The following OPCML variants were observed in gnomAD, a reference collection of about 807,000 sequenced individuals.
OPCML encodes the protein opioid-binding protein/cell adhesion molecule.
Under a neutral mutation model 37.8 loss-of-function variants are expected in OPCML, and 13 were observed. That is an observed-to-expected ratio of 0.34 (90% CI 0.22 to 0.55). OPCML has a LOEUF of 0.55. Ranked by LOEUF, OPCML falls within the 20% of genes least tolerant of loss-of-function variation. The pLI, the probability that OPCML is intolerant of heterozygous loss-of-function variation, is 0.91. For missense variants in OPCML, 341 were observed against 435.6 expected, an observed-to-expected ratio of 0.78 and a Z score of 1.93; for synonymous variants, 176 against 168.8, an observed-to-expected ratio of 1.04 and a Z score of -0.33.
chr11:133,512,628 C>G (rs1239984217), intron 1 of OPCML, among the ~76,000 whole-genome samples: 1 of 152,184 alleles, frequency 6.6e-6, no homozygotes, highest in Non-Finnish European at 1.5e-5. Context: ...ATGTTTGGTT[C>G]CCCTGGCAAC....
In OPCML at chr11:132,947,312, T is replaced by C. The variant is rs368283493; in HGVS notation, c.62-4302A>G. Among the ~76,000 whole-genome samples the C allele has an allele frequency of 3.9e-5, 6 of 152,208 alleles. No individual in the cohort carries two copies. The East Asian group carries it at 1.2e-3, about 29-fold the overall frequency. ...CGAGGTGTAAATTTTCTTAACAATA[T>C]ATAATAAGTCTTGCTCTTGCAAAGA... On this transcript the variant is annotated intron_variant, in intron 1 of 7. Transcript: ENST00000524381.
intron 3 of OPCML, among the ~76,000 whole-genome samples, chr11:132,622,541 C>T (rs1447737781): frequency 1.3e-5 from 2 of 152,134 alleles, no homozygotes; most frequent in African/African-American, 4.8e-5. Flanking sequence ...CGTTTTCACG[C>T]CAGTGGGAGT....
intron 4 of OPCML, among the ~76,000 whole-genome samples, chr11:132,510,951 C>A (rs754101540): frequency 6.6e-6 from 1 of 152,048 alleles, no homozygotes; most frequent in Non-Finnish European, 1.5e-5. Context: ...TTTTTAATAT[C>A]ATGTTACTGG....
chr11:133,318,631 A>G (rs1428998717), intron 1 of OPCML, among the ~76,000 whole-genome samples: 1 of 152,054 alleles, frequency 6.6e-6, no homozygotes. Flanking sequence ...TACCCCATTA[A>G]CTACTATCCA....
At chr11:133,531,836 C>T (rs911219561) in intron 1 of OPCML, among the ~76,000 whole-genome samples, 1 of 151,868 alleles carries the variant, frequency 6.6e-6, no homozygotes, top group African/African-American at 2.4e-5. Flanking sequence ...CAGAGAGAGA[C>T]CACCACGACT....
At chr11:133,134,746 G>A (rs1044365279) in intron 1 of OPCML, among the ~76,000 whole-genome samples, 6 of 152,148 alleles carry the variant, frequency 3.9e-5, no homozygotes, top group African/African-American at 1.4e-4. Flanking sequence ...ATCCTGCTAC[G>A]ACCACCAGGT....
chr11:132,678,418 T>C (rs1565769063), intron 2 of OPCML, among the ~76,000 whole-genome samples: 1 of 152,186 alleles, frequency 6.6e-6, no homozygotes, highest in Non-Finnish European at 1.5e-5. Flanking sequence ...AGTTGAAAGT[T>C]TATGACCATG....
At chr11:133,363,018 T>C (rs1479516344) in intron 1 of OPCML, among the ~76,000 whole-genome samples, 8 of 152,118 alleles carry the variant, frequency 5.3e-5, no homozygotes, top group African/African-American at 1.7e-4. Flanking sequence ...TTAGGTAAGA[T>C]TCCCAGGACA....
intron 1 of OPCML, among the ~76,000 whole-genome samples, chr11:133,214,179 C>T (rs1247991858): frequency 5.3e-5 from 8 of 151,846 alleles, no homozygotes; most frequent in Non-Finnish European, 1.2e-4. Flanking sequence ...TTAAAAAAAT[C>T]CCCCAAAGGA....
At chr11:132,996,924 C>T (rs1946898929) in intron 1 of OPCML, among the ~76,000 whole-genome samples, 1 of 152,210 alleles carries the variant, frequency 6.6e-6, no homozygotes, top group Non-Finnish European at 1.5e-5. Context: ...AGCACAGGTC[C>T]TAAGGGGCCG....
intron 1 of OPCML, among the ~76,000 whole-genome samples, chr11:133,079,540 C>T (rs1948675869): frequency 6.6e-6 from 1 of 152,104 alleles, no homozygotes; most frequent in Non-Finnish European, 1.5e-5. Flanking sequence ...AACAAATCTG[C>T]CCGAGTACTC....
chr11:133,175,651 C>T (rs948692746), intron 1 of OPCML, among the ~76,000 whole-genome samples: 2 of 142,058 alleles, frequency 1.4e-5, no homozygotes, highest in Admixed American at 7.1e-5. Context: ...TTCTGTAATT[C>T]ACTGACTTTT....
chr11:132,714,017 A>C (rs1360856239), intron 2 of OPCML, among the ~76,000 whole-genome samples: 1 of 150,660 alleles, frequency 6.6e-6, no homozygotes, highest in African/African-American at 2.5e-5. Flanking sequence ...TTCCCAGGAC[A>C]GGATATTATT....
intron 1 of OPCML, among the ~76,000 whole-genome samples, chr11:132,982,570 A>G (rs4937743): frequency 0.57 from 86,756 of 151,602 alleles, 24,901 homozygotes; most frequent in Admixed American, 0.65. Context: ...TGGGTTTGAC[A>G]TCAAATGACC....
intron 1 of OPCML, among the ~76,000 whole-genome samples, chr11:133,518,442 C>A (rs183529471): frequency 5.7e-4 from 86 of 151,280 alleles, no homozygotes; most frequent in Non-Finnish European, 1.0e-3. Context: ...TAAGTGTGGG[C>A]AGGTATGGGT....
At chr11:132,768,615 A>G (rs1293472421) in intron 2 of OPCML, among the ~76,000 whole-genome samples, 1 of 152,148 alleles carries the variant, frequency 6.6e-6, no homozygotes, top group Non-Finnish European at 1.5e-5. Flanking sequence ...CAATAGATTT[A>G]CTCTCAGTGT....
chr11:132,671,259 A>C (rs1413556290), intron 2 of OPCML, among the ~76,000 whole-genome samples: 1 of 152,116 alleles, frequency 6.6e-6, no homozygotes, highest in Non-Finnish European at 1.5e-5. Flanking sequence ...TTAATAAGCC[A>C]ATCATCTTTT....
chr11:133,253,488 T>G (rs1220898820), intron 1 of OPCML, among the ~76,000 whole-genome samples: 1 of 152,126 alleles, frequency 6.6e-6, no homozygotes, highest in African/African-American at 2.4e-5. Context: ...TTTTGTATTT[T>G]TAGTAGAGAC....
In OPCML at chr11:132,633,241, C is replaced by T. The variant is rs191354183; in HGVS notation, c.379+23846G>A. ...TTTCTGAGACAGAGTCTCGCTCTGTCGCCCAAGCTGGAGTTCAGTGGTGTG... is the reference window on the plus strand; with the variant it reads ...TTTCTGAGACAGAGTCTCGCTCTGTTGCCCAAGCTGGAGTTCAGTGGTGTG... On this transcript the variant is annotated intron_variant, in intron 3 of 7. Coordinates refer to ENST00000524381, the MANE Select transcript of OPCML (RefSeq NM_001012393.5). Among the ~76,000 whole-genome samples, 5 of 152,164 alleles carry T rather than the reference C, an allele frequency of 3.3e-5. No individual in the cohort carries two copies. The East Asian group carries it at 5.8e-4, about 18-fold the overall frequency.
Sources: gnomAD v4.1 joint callset for allele counts (sites outside exome capture counted in the v4.1 genomes callset) on GRCh38, gnomAD v4.1.1 for gene constraint, MANE v1.5 for transcripts, NCBI Gene and HGNC (gene_info 2026-07-23, HGNC 2026-07-21) for gene names.